Variants in EFEMP1 observed in about 807,000 individuals in gnomAD.
EFEMP1 encodes EGF-like fibulin extracellular matrix protein 1, also known as EGF-containing fibulin-like extracellular matrix protein 1.
In EFEMP1, 18 loss-of-function variants were observed where a neutral mutation model predicts 65.7. The observed-to-expected ratio is 0.27, with a 90% confidence interval of 0.19 to 0.41. The LOEUF is 0.41. EFEMP1 is among the 10% of genes least tolerant of loss of function. The pLI is 1.00. For synonymous variants in EFEMP1, 237 were observed against 219.7 expected (o/e 1.08, Z -0.70); for missense variants, 469 against 624.8 (o/e 0.75, Z 2.66).
intron 8 of EFEMP1, among the ~76,000 whole-genome samples, chr2:55,875,768 C>T (rs571217759): frequency 1.3e-5 from 2 of 152,230 alleles, no homozygotes; most frequent in Non-Finnish European, 2.9e-5. Flanking sequence ...GTGCAAGCTT[C>T]CAGAATGACA....
In EFEMP1 at chr2:55,919,982, C is replaced by T. The variant is rs1425217548; in HGVS notation, c.82-1715G>A. 6.6e-6 allele frequency among the ~76,000 whole-genome samples: 1 copy of T among 152,208 alleles called. No individual in the cohort carries two copies. Among genetic ancestry groups the T allele is most frequent in the Non-Finnish European group, 1.5e-5 (1 of 68,044 alleles). ...ATCTCTACATGCTGCATACAGACCC[C>T]ATGATCTTTCTTGTGCTCTTGGTTA... On this transcript the variant is annotated intron_variant, in intron 3 of 11. Coordinates refer to ENST00000355426, the MANE Select transcript of EFEMP1 (RefSeq NM_001039348.3). This position sits in a 1 kb window ranked among gnomAD's most constrained non-coding sequence, Gnocchi z 4.5.
At chr2:55,892,016 C>T (rs199938357) in intron 5 of EFEMP1, among the ~76,000 whole-genome samples, 2 of 124,700 alleles carry the variant, frequency 1.6e-5, no homozygotes, top group African/African-American at 4.8e-5. Flanking sequence ...AAAACACTTT[C>T]AGTGTTGTGA....
intron 5 of EFEMP1, among the ~76,000 whole-genome samples, chr2:55,912,329 A>C (rs1322871739): frequency 6.6e-6 from 1 of 152,220 alleles, no homozygotes; most frequent in African/African-American, 2.4e-5. Context: ...GAGAATCAAC[A>C]AAAGGGCAGT....
rs1572780020 is a variant in EFEMP1, at chr2:55,870,588, A to T, written c.1320+132T>A. ...TAATGTAGCTGGAAGGCCTTACACA[A>T]TGCCTACACATAAGACACTTTAAAT... On this transcript the variant is annotated intron_variant, in intron 11 of 11. Transcript: ENST00000355426. This position sits in a 1 kb window ranked among gnomAD's most constrained non-coding sequence, Gnocchi z 5.8. The T allele has an allele frequency of 9.4e-7, 1 of 1,065,806 alleles. No individual in the cohort carries two copies. The highest frequency in any genetic ancestry group is 1.6e-5 in the African/African-American group (1 of 63,784). The allele number at this position is 1,065,806 out of a possible 1,614,324, so 66.0% of individuals were successfully genotyped here.
chr2:55,872,671 A>T (rs544939881), intron 9 of EFEMP1, among the ~76,000 whole-genome samples: 105 of 152,238 alleles, frequency 6.9e-4, no homozygotes, highest in Non-Finnish European at 1.2e-3. Context: ...AACTGGCTAA[A>T]GTTATCTGGA....
At chr2:55,868,294 A>G (rs1267577655) in intron 11 of EFEMP1, among the ~76,000 whole-genome samples, 1 of 152,172 alleles carries the variant, frequency 6.6e-6, no homozygotes, top group Non-Finnish European at 1.5e-5. Context: ...GCCAGGTACC[A>G]TTCTATGTGC....
chr2:55,889,118 A>G lies in EFEMP1; in HGVS notation c.518-7384T>C, dbSNP rs141659273. ...CAGATTAGTCAAGTCTCTGGAGCCC[A>G]AAGCACACACATTCCTGGCTTATTC... On this transcript the variant is annotated intron_variant, in intron 5 of 11. Coordinates refer to ENST00000355426, the MANE Select transcript of EFEMP1 (RefSeq NM_001039348.3). Among the ~76,000 whole-genome samples, 842 of 152,344 alleles carry G rather than the reference A, an allele frequency of 5.5e-3. 11 individuals carry two copies. The highest frequency in any genetic ancestry group is 0.019 in the African/African-American group (790 of 41,578).
intron 5 of EFEMP1, among the ~76,000 whole-genome samples, chr2:55,902,937 A>G (rs1670097770): frequency 6.6e-6 from 1 of 152,226 alleles, no homozygotes; most frequent in Non-Finnish European, 1.5e-5. Context: ...GCCTAGACAA[A>G]GTGCACTCAT....
At chr2:55,895,629 C>T (rs1669796857) in intron 5 of EFEMP1, among the ~76,000 whole-genome samples, 2 of 151,844 alleles carry the variant, frequency 1.3e-5, no homozygotes, top group East Asian at 2.0e-4. Flanking sequence ...GCAGGCTCCG[C>T]CCCCGGGGTT....
At chr2:55,889,836 AT>A (rs1669568275) in intron 5 of EFEMP1, among the ~76,000 whole-genome samples, 1 of 151,276 alleles carries the variant, frequency 6.6e-6, no homozygotes, top group Admixed American at 6.6e-5. Context: ...AAAAAAAAAA[AT>A]AAAACTACAA....
In EFEMP1 at chr2:55,870,610, A is replaced by T; in HGVS notation, c.1320+110T>A. 1 of 1,356,692 alleles carries T rather than the reference A, an allele frequency of 7.4e-7. No individual in the cohort carries two copies. Among genetic ancestry groups the T allele is most frequent in the Non-Finnish European group, 1.0e-6 (1 of 960,046 alleles). 84.0% of individuals were successfully genotyped at this position (1,356,692 alleles called of 1,614,324 possible). A position where few individuals can be genotyped will look rare whatever the true frequency, so the allele number is the denominator to read the frequency against. On this transcript the variant is annotated intron_variant, in intron 11 of 11. Transcript: ENST00000355426. The surrounding 1 kb of genome is among the most constrained non-coding windows in gnomAD (Gnocchi z 5.8). ...ACAATGCCTACACATAAGACACTTTAAATGTTTGCTTTCCTTCCACATGTG... is the reference window on the plus strand; with the variant it reads ...ACAATGCCTACACATAAGACACTTTTAATGTTTGCTTTCCTTCCACATGTG...
At chr2:55,899,137 C>T (rs1241684348) in intron 5 of EFEMP1, among the ~76,000 whole-genome samples, 1 of 152,190 alleles carries the variant, frequency 6.6e-6, no homozygotes, top group Non-Finnish European at 1.5e-5. Context: ...TAACTGGCTA[C>T]CTGGTGGCAG....
intron 5 of EFEMP1, among the ~76,000 whole-genome samples, chr2:55,907,085 T>C (rs1670310467): frequency 6.6e-6 from 1 of 152,214 alleles, no homozygotes; most frequent in Admixed American, 6.5e-5. Context: ...TCTCTTGTGA[T>C]AGGTAAACAC....
Position 55,870,355 on chromosome 2 carries a change from G to T in EFEMP1, c.1320+365C>A, listed in dbSNP as rs1668755594. On this transcript the variant is annotated intron_variant, in intron 11 of 11. Transcript: ENST00000355426. The surrounding 1 kb of genome is among the most constrained non-coding windows in gnomAD (Gnocchi z 5.8). ...CAATGATTAGTGATACCTACTTGGG[G>T]GGTATGTTGGGTGGGGGCAGAGGCG... Among the ~76,000 whole-genome samples, 1 of 149,886 alleles carries T rather than the reference G, an allele frequency of 6.7e-6. No individual in the cohort carries two copies. Among genetic ancestry groups the T allele is most frequent in the African/African-American group, 2.5e-5 (1 of 40,596 alleles).
intron 5 of EFEMP1, among the ~76,000 whole-genome samples, chr2:55,887,767 C>T (rs879283715): frequency 1.3e-5 from 2 of 152,114 alleles, no homozygotes; most frequent in African/African-American, 4.8e-5. Flanking sequence ...CCAAAATCAA[C>T]AAATTATCAG....
chr2:55,904,671 A>G (rs1016623572), intron 5 of EFEMP1, among the ~76,000 whole-genome samples: 2 of 152,120 alleles, frequency 1.3e-5, no homozygotes, highest in Non-Finnish European at 2.9e-5. Flanking sequence ...TGGTTCTCAG[A>G]TTTTTTGGAC....
chr2:55,906,492 G>T (rs1317737903), intron 5 of EFEMP1, among the ~76,000 whole-genome samples: 1 of 152,166 alleles, frequency 6.6e-6, no homozygotes, highest in Non-Finnish European at 1.5e-5. Context: ...CCAAAGTGCT[G>T]GGATTACAAG....
chr2:55,887,019 T>G (rs1424323652), intron 5 of EFEMP1, among the ~76,000 whole-genome samples: 1 of 152,166 alleles, frequency 6.6e-6, no homozygotes, highest in African/African-American at 2.4e-5. Flanking sequence ...GGTATAAAAA[T>G]AGGTAAATTC....
At chr2:55,887,896 A>G (rs1372528005) in intron 5 of EFEMP1, among the ~76,000 whole-genome samples, 1 of 152,174 alleles carries the variant, frequency 6.6e-6, no homozygotes, top group Non-Finnish European at 1.5e-5. Flanking sequence ...ATAGGAAAAA[A>G]ATCATGCTAC....
Sources: gnomAD v4.1 joint callset for allele counts (sites outside exome capture counted in the v4.1 genomes callset) on GRCh38, gnomAD v4.1.1 for gene constraint, Gnocchi (gnomAD v3.1) non-coding constraint, MANE v1.5 for transcripts, NCBI Gene and HGNC (gene_info 2026-07-23, HGNC 2026-07-21) for gene names.